The following GCG variants were observed in gnomAD, a reference collection of about 807,000 sequenced individuals.
GCG encodes the protein pro-glucagon.
Under a neutral mutation model 22.8 loss-of-function variants are expected in GCG, and 11 were observed. That is an observed-to-expected ratio of 0.48 (90% CI 0.30 to 0.80). The LOEUF (loss-of-function observed/expected upper bound fraction) is 0.80. Ranked by LOEUF, GCG falls within the 30% of genes least tolerant of loss-of-function variation. The pLI is 0.06. For missense variants in GCG, 222 were observed against 222.0 expected (o/e 1.00, Z 0.00); for synonymous variants, 89 against 72.4 (o/e 1.23, Z -1.16).
At chr2:162,145,940 G>C (rs1686672692) in intron 3 of GCG, among the ~76,000 whole-genome samples, 1 of 152,102 alleles carries the variant, frequency 6.6e-6, no homozygotes, top group Admixed American at 6.6e-5. Context: ...GCTTATGTAT[G>C]TCATTGGTTA....
In GCG at chr2:162,145,520, A is replaced by G. The variant is rs1284300792; in HGVS notation, c.392+20T>C. The G allele has an allele frequency of 1.0e-5, 16 of 1,572,588 alleles. No individual in the cohort carries two copies. The highest frequency in any genetic ancestry group is 1.3e-5 in the Non-Finnish European group (15 of 1,162,484). ...TCTGCATCAAGGCAAAAAATGTCAA[A>G]TAAGAATGTACAGACTTACTCTCGC... On this transcript the variant is annotated intron_variant, in intron 4 of 5. Transcript: ENST00000418842.
chr2:162,151,215 A>G lies in GCG; in HGVS notation c.-10+943T>C, dbSNP rs17711059. Among the ~76,000 whole-genome samples, 1,379 of 152,258 alleles carry G rather than the reference A, an allele frequency of 9.1e-3. 10 individuals carry two copies. The highest frequency in any genetic ancestry group is 0.013 in the Admixed American group (206 of 15,266). On this transcript the variant is annotated intron_variant, in intron 1 of 5. Transcript: ENST00000418842. ...TTTAAAGGAAAGTATGGTAACAATA[A>G]TAAGTAGGAAGTCTTACAGAAAGAT...
intron 3 of GCG, 146 bp downstream of exon 3, chr2:162,147,207 G>T: frequency 1.5e-6 from 1 of 678,264 alleles, no homozygotes; most frequent in East Asian, 2.5e-5. Context: ...ATACTAAGGA[G>T]AGCATCCCCA....
chr2:162,151,556 G>A (rs1686837770), intron 1 of GCG, among the ~76,000 whole-genome samples: 1 of 152,058 alleles, frequency 6.6e-6, no homozygotes, highest in Non-Finnish European at 1.5e-5. Flanking sequence ...TGCATCCAAA[G>A]AAAACCCCCC....
Position 162,143,256 on chromosome 2 carries a change from G to A in GCG, c.*108C>T, listed in dbSNP as rs1686572754. The A allele has an allele frequency of 4.3e-6, 2 of 470,478 alleles. No individual in the cohort carries two copies. The highest frequency in any genetic ancestry group is 3.8e-6 in the Non-Finnish European group (1 of 264,076). The allele number at this position is 470,478 out of a possible 1,614,324, so 29.1% of individuals were successfully genotyped here. ...GAAAATTTATTTATTGGCATGCAAAGCAATGTGGCCTCAGAATACACCTCT... is the reference window on the plus strand; with the variant it reads ...GAAAATTTATTTATTGGCATGCAAAACAATGTGGCCTCAGAATACACCTCT... On this transcript the variant is annotated 3_prime_UTR_variant, in exon 6 of 6. Transcript: ENST00000418842.
Position 162,145,655 on chromosome 2 carries a change from C to T in GCG, c.277G>A (p.Asp93Asn), listed in dbSNP as rs1378268135. 3.1e-6 allele frequency: 5 copies of T among 1,609,624 alleles called. No individual in the cohort carries two copies. The highest frequency in any genetic ancestry group is 2.2e-5 in the East Asian group (1 of 44,800). ...RNRNNIAKRHDEFERHAEGTF... is the reference protein window; with the variant it reads ...RNRNNIAKRHNEFERHAEGTF... ...CCTTCAGCATGTCTCTCAAATTCAT[C>T]GTGACGTTTGGCAATGTTATTCCTG... Residue 93 changes from aspartate to asparagine, a missense_variant, in exon 4 of 6, where the codon GAT becomes AAT. Asp to Asn is a conservative substitution (Grantham distance 23). Transcript: ENST00000418842.
At chr2:162,150,795 G>A (rs551515145) in intron 1 of GCG, among the ~76,000 whole-genome samples, 2 of 152,108 alleles carry the variant, frequency 1.3e-5, no homozygotes, top group South Asian at 2.1e-4. Flanking sequence ...AGTCCTAAGC[G>A]TTTTGCAATA....
At position 162,143,831 on chromosome 2, in the gene GCG, A is replaced by G. The variant is rs1051574477; in HGVS notation, c.536+196T>C. On this transcript the variant is annotated intron_variant, in intron 5 of 5. Transcript: ENST00000418842. ...TCAGTAAATGTTTCTGGAATAAATG[A>G]ATAAATAGATACAAACTGTAATGAT... 17 of 595,388 alleles carry G rather than the reference A, an allele frequency of 2.9e-5. No homozygotes were observed. In the South Asian group the frequency reaches 2.9e-4, roughly 10 times the overall value. The allele number at this position is 595,388 out of a possible 1,614,324, so 36.9% of individuals were successfully genotyped here. A position where few individuals can be genotyped will look rare whatever the true frequency, so the allele number is the denominator to read the frequency against.
At chr2:162,146,334 G>A (rs1222963337) in intron 3 of GCG, among the ~76,000 whole-genome samples, 2 of 152,100 alleles carry the variant, frequency 1.3e-5, no homozygotes, top group Non-Finnish European at 2.9e-5. Context: ...CATTTACCAA[G>A]TTGTGGCATT....
intron 1 of GCG, among the ~76,000 whole-genome samples, chr2:162,151,649 T>A (rs878986603): frequency 3.3e-5 from 5 of 152,180 alleles, no homozygotes; most frequent in Admixed American, 2.6e-4. Flanking sequence ...GATTTTTTGA[T>A]AGATGTCTGA....
Position 162,144,069 on chromosome 2 carries a change from C to G in GCG, c.494G>C (p.Arg165Thr). Residue 165 changes from arginine to threonine, a missense_variant, in exon 5 of 6, where the codon AGG becomes ACG. Transcript: ENST00000418842. ...MNTILDNLAA[R>T]DFINWLIQTK... ...CTGAATCAACCAGTTTATAAAGTCC[C>G]TGGCGGCAAGATTATCAAGAATGGT... 3 of 1,613,118 alleles carry G rather than the reference C, an allele frequency of 1.9e-6. No individual in the cohort carries two copies. Among genetic ancestry groups the G allele is most frequent in the Non-Finnish European group, 2.5e-6 (3 of 1,179,274 alleles).
chr2:162,146,556 CTCTCTCTCTCTCTCTCT>C (rs1686690143), intron 3 of GCG, among the ~76,000 whole-genome samples: 1 of 150,686 alleles, frequency 6.6e-6, no homozygotes, highest in African/African-American at 2.5e-5. Context: ...CTCTCTCTCT[CTCTCTCTCTCTCTCTCT>C]CCTTTCTTAC....
intron 1 of GCG, 101 bp downstream of exon 1, chr2:162,152,057 G>A (rs1686853742): frequency 6.6e-6 from 1 of 152,250 alleles, no homozygotes; most frequent in Non-Finnish European, 1.5e-5. Context: ...TAGTAATAAA[G>A]TCTAAGATGA....
chr2:162,143,490 A>G (rs1686603554), intron 5 of GCG, 120 bp from the exon 6 acceptor site: 1 of 489,118 alleles, frequency 2.0e-6, no homozygotes, highest in African/African-American at 2.0e-5. Flanking sequence ...CCCTTTGTCC[A>G]TAAATCCCTC....
At chr2:162,150,909 C>T (rs982289417) in intron 1 of GCG, among the ~76,000 whole-genome samples, 2 of 151,780 alleles carry the variant, frequency 1.3e-5, no homozygotes, top group South Asian at 2.1e-4. Flanking sequence ...AAGAAGTGAG[C>T]GTTCCGTATC....
intron 1 of GCG, among the ~76,000 whole-genome samples, chr2:162,150,570 A>G (rs1686809068): frequency 6.6e-6 from 1 of 152,116 alleles, no homozygotes; most frequent in Non-Finnish European, 1.5e-5. Context: ...ACATTTTGCT[A>G]TGCTTCAGTT....
Position 162,143,282 on chromosome 2 carries a change from T to G in GCG, c.*82A>C. 2 of 700,176 alleles carry G rather than the reference T, an allele frequency of 2.9e-6. No homozygotes were observed. The highest frequency in any genetic ancestry group is 4.6e-6 in the Non-Finnish European group (2 of 437,764). 43.4% of individuals were successfully genotyped at this position (700,176 alleles called of 1,614,324 possible). A position where few individuals can be genotyped will look rare whatever the true frequency, so the allele number is the denominator to read the frequency against. On this transcript the variant is annotated 3_prime_UTR_variant, in exon 6 of 6. Transcript: ENST00000418842. ...CAATGTGGCCTCAGAATACACCTCT[T>G]AAATTTACAGGACTTAACATTTCAA...
chr2:162,148,020 T>C (rs1240269282), intron 2 of GCG, among the ~76,000 whole-genome samples: 1 of 152,142 alleles, frequency 6.6e-6, no homozygotes, highest in African/African-American at 2.4e-5. Context: ...ACTTGCTAAT[T>C]TGAAACTGTA....
Position 162,149,207 on chromosome 2 carries a change from G to C in GCG, c.-9-20C>G. The C allele has an allele frequency of 6.8e-7, 1 of 1,461,978 alleles. No homozygotes were observed. The highest frequency in any genetic ancestry group is 9.6e-7 in the Non-Finnish European group (1 of 1,043,018). 90.6% of individuals were successfully genotyped at this position (1,461,978 alleles called of 1,614,324 possible). On this transcript the variant is annotated intron_variant, in intron 1 of 5. Transcript: ENST00000418842. ...TGCTGTCTGTCAGAACACAGAATGG[G>C]GGTAGGGTGAGGGGGGCAGGCAAGG...
Sources: allele counts gnomAD v4.1 joint callset (sites outside exome capture counted in the v4.1 genomes callset), GRCh38; gene constraint gnomAD v4.1.1; transcripts MANE v1.5; gene names NCBI Gene and HGNC (gene_info 2026-07-23, HGNC 2026-07-21).